The following CNTNAP2 variants were observed in gnomAD, a reference collection of about 807,000 sequenced individuals.
The protein encoded by CNTNAP2 is contactin associated protein 2.
Under a neutral mutation model 155.2 loss-of-function variants are expected in CNTNAP2, and 98 were observed. The observed-to-expected ratio is 0.63, with a 90% CI of 0.54 to 0.75. CNTNAP2 has a LOEUF of 0.75. Ranked by LOEUF, CNTNAP2 falls within the 30% of genes least tolerant of loss-of-function variation. The pLI is 0.00. For missense variants in CNTNAP2, 1,727 were observed against 1,688.1 expected, an observed-to-expected ratio of 1.02 and a Z score of -0.40; for synonymous variants, 651 against 631.2, an observed-to-expected ratio of 1.03 and a Z score of -0.47.
At chr7:148,126,494 T>C (rs1360403378) in intron 16 of CNTNAP2, among the ~76,000 whole-genome samples, 1 of 152,170 alleles carries the variant, frequency 6.6e-6, no homozygotes, top group Non-Finnish European at 1.5e-5. Context: ...TCACGGTTAG[T>C]GAAATTTTGG....
At chr7:146,187,604 C>A (rs1251804249) in intron 1 of CNTNAP2, among the ~76,000 whole-genome samples, 1 of 152,014 alleles carries the variant, frequency 6.6e-6, no homozygotes, top group Non-Finnish European at 1.5e-5. Context: ...ATATTGTTTT[C>A]TTTTTACCCT....
chr7:146,754,923 G>T (rs969099461), intron 1 of CNTNAP2, among the ~76,000 whole-genome samples: 1 of 151,770 alleles, frequency 6.6e-6, no homozygotes, highest in Admixed American at 6.6e-5. Flanking sequence ...AAGAAAATAC[G>T]GCTGCTCACA....
intron 15 of CNTNAP2, among the ~76,000 whole-genome samples, chr7:148,116,881 A>C (rs1436213701): frequency 3.3e-5 from 5 of 152,236 alleles, no homozygotes; most frequent in Non-Finnish European, 7.3e-5. Context: ...GATATAGCAA[A>C]TACCGTGTTT....
chr7:146,611,864 T>G (rs75802706), intron 1 of CNTNAP2, among the ~76,000 whole-genome samples: 3,427 of 152,298 alleles, frequency 0.023, 47 homozygotes, highest in Middle Eastern at 0.041. Context: ...ATATGGATTG[T>G]CCACAGGCCA....
intron 1 of CNTNAP2, among the ~76,000 whole-genome samples, chr7:146,666,568 C>A (rs574907291): frequency 2.0e-5 from 3 of 152,164 alleles, no homozygotes; most frequent in African/African-American, 7.2e-5. Flanking sequence ...TTTGAGGAAC[C>A]TCTATACTCT....
At chr7:148,114,581 C>T (rs910003534) in intron 15 of CNTNAP2, among the ~76,000 whole-genome samples, 7 of 152,118 alleles carry the variant, frequency 4.6e-5, no homozygotes, top group Non-Finnish European at 7.4e-5. Context: ...GGAAAAGGCA[C>T]GCATATAATC....
At position 146,751,000 on chromosome 7, in the gene CNTNAP2, A is replaced by T. The variant is rs1801893828; in HGVS notation, c.98-23271A>T. 1.3e-5 allele frequency among the ~76,000 whole-genome samples: 2 copies of T among 152,268 alleles called. 1 individual carries two copies. Among genetic ancestry groups the T allele is most frequent in the South Asian group, 4.1e-4 (2 of 4,828 alleles). On this transcript the variant is annotated intron_variant, in intron 1 of 23. Transcript: ENST00000361727. ...TATTCCAAAGAACATGTTTTCTAAT[A>T]AGAGGATAATTAAATGTTTACAAGT...
intron 3 of CNTNAP2, among the ~76,000 whole-genome samples, chr7:146,997,989 A>G (rs976786544): frequency 2.6e-5 from 4 of 151,966 alleles, no homozygotes; most frequent in African/African-American, 9.7e-5. Flanking sequence ...TCAAAAAACT[A>G]ACTCAGTTTT....
intron 12 of CNTNAP2, among the ~76,000 whole-genome samples, chr7:147,624,322 C>T (rs1251940562): frequency 3.3e-5 from 5 of 151,840 alleles, no homozygotes; most frequent in Non-Finnish European, 7.4e-5. Context: ...AGAGACACCC[C>T]ACATAATGGG....
At chr7:147,406,461 T>C (rs1382508393) in intron 10 of CNTNAP2, among the ~76,000 whole-genome samples, 1 of 152,190 alleles carries the variant, frequency 6.6e-6, no homozygotes, top group Non-Finnish European at 1.5e-5. Context: ...GTCATTTTCA[T>C]TTTGTTTGAT....
intron 1 of CNTNAP2, among the ~76,000 whole-genome samples, chr7:146,172,088 G>T (rs1798402260): frequency 9.6e-6 from 1 of 104,488 alleles, no homozygotes; most frequent in Admixed American, 1.0e-4. Context: ...ATTTACTTTG[G>T]AAGTTTCTTC....
intron 1 of CNTNAP2, among the ~76,000 whole-genome samples, chr7:146,156,217 A>G (rs560691133): frequency 6.6e-6 from 1 of 152,278 alleles, no homozygotes; most frequent in South Asian, 2.1e-4. Context: ...GTTTGTTACT[A>G]TGTTATGTAC....
intron 13 of CNTNAP2, among the ~76,000 whole-genome samples, chr7:147,752,721 C>A (rs907106397): frequency 6.6e-6 from 1 of 152,108 alleles, no homozygotes; most frequent in African/African-American, 2.4e-5. Flanking sequence ...GTGATCATAG[C>A]GTCATGAGCC....
At chr7:148,257,756 A>G (rs541120992) in intron 20 of CNTNAP2, among the ~76,000 whole-genome samples, 1 of 152,276 alleles carries the variant, frequency 6.6e-6, no homozygotes, top group South Asian at 2.1e-4. Flanking sequence ...ACGATCAGCC[A>G]GTCTCCCCAT....
At chr7:146,464,334 G>A (rs73462781) in intron 1 of CNTNAP2, among the ~76,000 whole-genome samples, 4,170 of 151,824 alleles carry the variant, frequency 0.027, 140 homozygotes, top group African/African-American at 0.074. Context: ...ATAAGGGTGT[G>A]GCTTTGGAAG....
At chr7:146,776,272 G>A (rs1311585215) in intron 2 of CNTNAP2, among the ~76,000 whole-genome samples, 3 of 152,172 alleles carry the variant, frequency 2.0e-5, no homozygotes, top group Non-Finnish European at 4.4e-5. Flanking sequence ...GCACCTGTGA[G>A]GAATGGAAGC....
At chr7:147,561,305 G>GT (rs1401100105) in intron 11 of CNTNAP2, among the ~76,000 whole-genome samples, 1 of 152,110 alleles carries the variant, frequency 6.6e-6, no homozygotes, top group African/African-American at 2.4e-5. Flanking sequence ...ACATATCTTA[G>GT]TTTTGTGAAG....
chr7:146,827,323 A>T (rs1359408534), intron 2 of CNTNAP2, among the ~76,000 whole-genome samples: 2 of 152,010 alleles, frequency 1.3e-5, no homozygotes, highest in African/African-American at 2.4e-5. Context: ...TCCATGATTT[A>T]ACTGATTTTC....
At chr7:147,597,882 G>C (rs145811715) in intron 12 of CNTNAP2, among the ~76,000 whole-genome samples, 242 of 152,256 alleles carry the variant, frequency 1.6e-3, no homozygotes, top group African/African-American at 5.5e-3. Flanking sequence ...CCCATATCCT[G>C]CTCCAGTCAA....
Sources: allele counts gnomAD v4.1 joint callset (sites outside exome capture counted in the v4.1 genomes callset), GRCh38; gene constraint gnomAD v4.1.1; transcripts MANE v1.5; gene names NCBI Gene and HGNC (gene_info 2026-07-23, HGNC 2026-07-21).